Variants in FAT2 observed in about 807,000 individuals in gnomAD.
The protein encoded by FAT2 is protocadherin Fat 2.
In FAT2, 150 loss-of-function variants were observed where a neutral mutation model predicts 295.3. The ratio of observed to expected loss-of-function variants is 0.51; its 90% CI spans 0.44 to 0.58. The LOEUF (loss-of-function observed/expected upper bound fraction) is 0.58, where lower values mean the gene tolerates loss of function less well. Ranked by LOEUF, FAT2 falls within the 20% of genes least tolerant of loss-of-function variation. FAT2 has a pLI of 0.00. For missense variants in FAT2, 4,868 were observed against 5,442.7 expected (o/e 0.89, Z 3.32); for synonymous variants, 2,026 against 2,150.3 (o/e 0.94, Z 1.60).
chr5:151,554,738 A>C, intron 4 of FAT2, 65 bp from the exon 5 acceptor site: 1 of 1,253,788 alleles, frequency 8.0e-7, no homozygotes, highest in African/African-American at 1.5e-5. Context: ...ATGCTTTAAC[A>C]ACCTGGAAAT....
intron 17 of FAT2, among the ~76,000 whole-genome samples, chr5:151,526,608 T>A (rs1456897155): frequency 3.9e-5 from 6 of 152,254 alleles, no homozygotes; most frequent in African/African-American, 7.2e-5. Flanking sequence ...TCTTATAAAA[T>A]CCTGCTTTGG....
intron 23 of FAT2, among the ~76,000 whole-genome samples, 154 bp downstream of exon 23, chr5:151,507,000 G>A (rs531195117): frequency 2.6e-4 from 39 of 152,330 alleles, no homozygotes; most frequent in African/African-American, 7.9e-4. Context: ...TCCAGCATCC[G>A]TGCCCTGTAA....
intron 1 of FAT2, among the ~76,000 whole-genome samples, chr5:151,589,668 GA>G (rs1759321670): frequency 6.6e-6 from 1 of 152,146 alleles, no homozygotes; most frequent in Non-Finnish European, 1.5e-5. Flanking sequence ...GGCCAAGGTG[GA>G]AAAATTGCTT....
At chr5:151,517,332 G>C (rs893839759) in intron 20 of FAT2, among the ~76,000 whole-genome samples, 11 of 152,202 alleles carry the variant, frequency 7.2e-5, no homozygotes, top group Non-Finnish European at 1.6e-4. Context: ...CAGCAAAAAT[G>C]ATAACGGCAC....
rs761864374 is a variant in FAT2, at chr5:151,545,678, G to T, written c.5449C>A (p.Pro1817Thr). 6.2e-7 allele frequency: 1 copy of T among 1,614,134 alleles called. No individual in the cohort carries two copies. Among genetic ancestry groups the T allele is most frequent in the Non-Finnish European group, 8.5e-7 (1 of 1,180,034 alleles). ...PEALKFFKID[P>T]SMGTLTIVSE... ...ACAATGGTTAGGGTTCCCATGCTGG[G>T]ATCAATTTTGAAAAACTTCAAGGCC... The change falls in exon 10 of 24, where the codon CCC becomes ACC. Residue 1817 changes from proline (P) to threonine (T), a missense_variant. Pro to Thr is a conservative substitution (Grantham distance 38). Transcript: ENST00000261800.
intron 3 of FAT2, among the ~76,000 whole-genome samples, chr5:151,559,129 A>G (rs1757909437): frequency 6.6e-6 from 1 of 152,226 alleles, no homozygotes; most frequent in Non-Finnish European, 1.5e-5. Context: ...AGCGAGGGGA[A>G]CAGGGATTCA....
At chr5:151,506,727 A>G (rs1235766320) in intron 23 of FAT2, among the ~76,000 whole-genome samples, 1 of 152,244 alleles carries the variant, frequency 6.6e-6, no homozygotes, top group Non-Finnish European at 1.5e-5. Context: ...GCCAAAGATG[A>G]GAAGAAGGTG....
chr5:151,560,836 A>C (rs1757984996), intron 3 of FAT2, among the ~76,000 whole-genome samples: 1 of 152,240 alleles, frequency 6.6e-6, no homozygotes, highest in Non-Finnish European at 1.5e-5. Flanking sequence ...TCTTGGGCTT[A>C]ACAAAACATT....
Position 151,512,676 on chromosome 5 carries a change from G to T in FAT2, c.11464-70C>A. On this transcript the variant is annotated intron_variant, in intron 20 of 23. Coordinates refer to ENST00000261800, the MANE Select transcript of FAT2 (RefSeq NM_001447.3). The surrounding 1 kb of genome is among the most constrained non-coding windows in gnomAD (Gnocchi z 4.1). ...TTGTAAACCTGCTAAGAGGCTGCCA[G>T]TTCAAAGAATGTTGTTTGTATTTTT... 2 of 1,362,940 alleles carry T rather than the reference G, an allele frequency of 1.5e-6. No individual in the cohort carries two copies. Among genetic ancestry groups the T allele is most frequent in the Non-Finnish European group, 2.0e-6 (2 of 1,001,934 alleles). The allele number at this position is 1,362,940 out of a possible 1,614,324, so 84.4% of individuals were successfully genotyped here.
intron 1 of FAT2, among the ~76,000 whole-genome samples, chr5:151,577,327 GT>G (rs1758784435): frequency 6.6e-6 from 1 of 152,190 alleles, no homozygotes. Flanking sequence ...TGAAGAAAGT[GT>G]TTTATTATTG....
At position 151,505,904 on chromosome 5, in the gene FAT2, T is replaced by A. The variant is rs1045093533; in HGVS notation, c.12711A>T (p.Ala4237=). The change falls in exon 24 of 24, where the codon GCA becomes GCT. Residue 4237 remains alanine, a synonymous_variant. Coordinates refer to ENST00000261800, the MANE Select transcript of FAT2 (RefSeq NM_001447.3). ...PFPLEMENKR[A]PLPPRYSNQN... ...GGTTGCTGTAACGGGGTGGGAGAGG[T>A]GCCCGCTTGTTTTCCATCTCCAGGG... The A allele has an allele frequency of 6.3e-6, 10 of 1,592,070 alleles. No homozygotes were observed. The highest frequency in any genetic ancestry group is 1.4e-5 in the African/African-American group (1 of 73,444).
intron 1 of FAT2, among the ~76,000 whole-genome samples, chr5:151,576,499 G>A (rs755066777): frequency 2.0e-5 from 3 of 151,992 alleles, no homozygotes; most frequent in Non-Finnish European, 4.4e-5. Flanking sequence ...AAGTTACTAT[G>A]GTCAATAAAT....
intron 9 of FAT2, among the ~76,000 whole-genome samples, chr5:151,546,779 T>C (rs900610287): frequency 6.6e-6 from 1 of 152,228 alleles, no homozygotes; most frequent in East Asian, 1.9e-4. Context: ...AATGTAGTGA[T>C]GTGAGCATGG....
rs1195237217 is a variant in FAT2 at position 151,534,628 on chromosome 5, G to A, written c.9208C>T (p.Leu3070Phe). Reference protein sequence around the residue: ...LDPHTGELTTLTALDRERKDV... With the variant: ...LDPHTGELTTFTALDRERKDV... ...TTCCTTTCTCGGTCTAGGGCAGTGAGTGTGGTCAGCTCCCCTGGTCGGAGA... is the reference window on the plus strand; with the variant it reads ...TTCCTTTCTCGGTCTAGGGCAGTGAATGTGGTCAGCTCCCCTGGTCGGAGA... Residue 3070 changes from leucine (L) to phenylalanine (F), a missense_variant, in exon 13 of 24, where the codon CTC (leucine) becomes TTC (phenylalanine). Leu to Phe is a conservative substitution (Grantham distance 22). This residue lies in a region of FAT2 where 1,046 missense variants were observed against 1,210.1 expected (regional missense o/e 0.86). Coordinates refer to ENST00000261800, the MANE Select transcript of FAT2 (RefSeq NM_001447.3). The A allele has an allele frequency of 2.5e-6, 4 of 1,610,274 alleles. No individual in the cohort carries two copies. The African/African-American group carries it at 4.0e-5, about 16-fold the overall frequency.
rs1378889930 is a variant in FAT2 at position 151,505,720 on chromosome 5, C to T, written c.12895G>A (p.Gly4299Ser). 2 of 1,613,970 alleles carry T rather than the reference C, an allele frequency of 1.2e-6. No homozygotes were observed. Among genetic ancestry groups the T allele is most frequent in the Admixed American group, 1.7e-5 (1 of 60,020 alleles). ...CLADGGYKGVGMRLSRAGPSY... is the reference protein window; with the variant it reads ...CLADGGYKGVSMRLSRAGPSY... ...GGCCCAGCTCGGCTGAGGCGCATAC[C>T]CACCCCCTTGTAGCCCCCGTCTGCC... The change falls in exon 24 of 24, where the codon GGT becomes AGT. Residue 4299 changes from glycine (G) to serine (S), a missense_variant. Transcript: ENST00000261800.
In FAT2 at chr5:151,531,929, C is replaced by G. The variant is rs770443495; in HGVS notation, c.9469G>C (p.Glu3157Gln). The G allele has an allele frequency of 3.7e-6, 6 of 1,614,202 alleles. No individual in the cohort carries two copies. The highest frequency in any genetic ancestry group is 1.1e-5 in the South Asian group (1 of 91,086). The part of the protein sequence containing the change: ...QVVYSLPDSA[E>Q]GHFSIDATTG... ...GTGGCGTCGATGGAAAAGTGGCCTT[C>G]GGCTGAATCCGGCAGAGAGTAAACC... Residue 3157 changes from glutamate (E) to glutamine (Q), a missense_variant, in exon 14 of 24, where the codon GAA (glutamate) becomes CAA (glutamine). Physicochemically the swap from Glu to Gln is conservative, Grantham distance 29 (BLOSUM62 2). This residue lies in a region of FAT2 where 1,046 missense variants were observed against 1,210.1 expected (regional missense o/e 0.86). Transcript: ENST00000261800. The surrounding 1 kb of genome is among the most constrained non-coding windows in gnomAD (Gnocchi z 5.7).
At chr5:151,584,273 C>A (rs545020652) in intron 1 of FAT2, among the ~76,000 whole-genome samples, 2 of 152,180 alleles carry the variant, frequency 1.3e-5, no homozygotes, top group African/African-American at 4.8e-5. Flanking sequence ...CCCTCCCCTG[C>A]CCGGCCTGCC....
At chr5:151,527,801 G>A (rs1430475443) in intron 16 of FAT2, among the ~76,000 whole-genome samples, 195 bp downstream of exon 16, 1 of 152,118 alleles carries the variant, frequency 6.6e-6, no homozygotes, top group African/African-American at 2.4e-5. Context: ...AAGGTTACGG[G>A]GTCACTCAGT....
rs763104366 is a variant in FAT2 at position 151,544,155 on chromosome 5, G to T, written c.6972C>A (p.Ile2324=). The T allele has an allele frequency of 3.7e-6, 6 of 1,614,150 alleles. No individual in the cohort carries two copies. The highest frequency in any genetic ancestry group is 5.1e-6 in the Non-Finnish European group (6 of 1,180,020). ...TGGACATCTCCCCTGTGCTCCCATT[G>T]ATCTGGAAGAACTTGGAAACATCTG... ...DGSDVSKFFQ[I]NGSTGEMSTV... is the part of the protein sequence containing the mutation. The change falls in exon 10 of 24, where the codon ATC becomes ATA. Residue 2324 remains isoleucine, a synonymous_variant. Coordinates refer to ENST00000261800, the MANE Select transcript of FAT2 (RefSeq NM_001447.3).
Sources: allele counts gnomAD v4.1 joint callset (sites outside exome capture counted in the v4.1 genomes callset), GRCh38; gene constraint gnomAD v4.1.1; regional missense constraint gnomAD v4.1.1; non-coding constraint Gnocchi (gnomAD v3.1); transcripts MANE v1.5; gene names NCBI Gene and HGNC (gene_info 2026-07-23, HGNC 2026-07-21).